Variants in AGO2 observed in about 807,000 individuals in gnomAD.
AGO2 encodes the protein argonaute RISC catalytic component 2, also known as protein argonaute-2.
AGO2 carries 5 observed loss-of-function variants against 102.3 expected under a neutral mutation model. The observed-to-expected ratio is 0.05, with a 90% CI of 0.03 to 0.10. The LOEUF is 0.10. AGO2 is among the 10% of genes least tolerant of loss of function. The pLI is 1.00. For synonymous variants in AGO2, 449 were observed against 473.1 expected, an observed-to-expected ratio of 0.95 and a Z score of 0.66; for missense variants, 541 against 1,183.7, an observed-to-expected ratio of 0.46 and a Z score of 7.97.
chr8:140,522,713 A>C lies in AGO2; in HGVS notation c.*9331T>G. 2 of 45,186 alleles carry C rather than the reference A, an allele frequency of 4.4e-5. No homozygotes were observed. The highest frequency in any genetic ancestry group is 4.3e-5 in the Non-Finnish European group (1 of 23,352). 2.8% of individuals were successfully genotyped at this position (45,186 alleles called of 1,614,324 possible). Reference sequence around the variant, plus strand: ...GACAGAGACAGAGAGAGGGAGGGGGAGGGGGGAGAGGGGGAGAGAGAGAGA... The same window carrying C: ...GACAGAGACAGAGAGAGGGAGGGGGCGGGGGGAGAGGGGGAGAGAGAGAGA... On this transcript the variant is annotated 3_prime_UTR_variant, in exon 19 of 19. Coordinates refer to ENST00000220592, the MANE Select transcript of AGO2 (RefSeq NM_012154.5).
At chr8:140,533,898 C>T (rs1234606782) in intron 17 of AGO2, among the ~76,000 whole-genome samples, 1 of 152,178 alleles carries the variant, frequency 6.6e-6, no homozygotes, top group Non-Finnish European at 1.5e-5. Flanking sequence ...ACACCTCCTG[C>T]GGTTGGAGAT....
chr8:140,635,830 G>C (rs1588525298), upstream of AGO2, among the ~76,000 whole-genome samples: 2 of 145,150 alleles, frequency 1.4e-5, no homozygotes, highest in South Asian at 4.2e-4. Context: ...GCGGGGCCTG[G>C]GGCGGGGACC....
At chr8:140,580,011 C>CTCCTCCTCGCAGCCCACT (rs1209280045) in intron 2 of AGO2, among the ~76,000 whole-genome samples, 1 of 152,234 alleles carries the variant, frequency 6.6e-6, no homozygotes, top group African/African-American at 2.4e-5. Flanking sequence ...AGGAGCCCAC[C>CTCCTCCTCGCAGCCCACT]TCCTCCTCGC....
intron 1 of AGO2, among the ~76,000 whole-genome samples, chr8:140,588,841 C>A (rs1038057002): frequency 6.6e-6 from 1 of 152,184 alleles, no homozygotes; most frequent in Non-Finnish European, 1.5e-5. Flanking sequence ...GTTCGGAGGG[C>A]AAGGCCCGGA....
At chr8:140,630,029 C>T (rs2074323331) in intron 1 of AGO2, among the ~76,000 whole-genome samples, 1 of 152,068 alleles carries the variant, frequency 6.6e-6, no homozygotes, top group African/African-American at 2.4e-5. Context: ...CCTCCCACAC[C>T]CTGCTTCTCC....
At chr8:140,548,667 G>A (rs760216824) in intron 12 of AGO2, among the ~76,000 whole-genome samples, 8 of 152,202 alleles carry the variant, frequency 5.3e-5, no homozygotes, top group Admixed American at 2.0e-4. Context: ...GTGGCTCAGC[G>A]TGGGGCCCTG....
At chr8:140,548,198 C>A (rs2072935403) in intron 12 of AGO2, among the ~76,000 whole-genome samples, 1 of 151,834 alleles carries the variant, frequency 6.6e-6, no homozygotes, top group Non-Finnish European at 1.5e-5. Flanking sequence ...TGCCTGTAAT[C>A]CCAGCTACTC....
intron 1 of AGO2, among the ~76,000 whole-genome samples, chr8:140,610,882 G>A (rs1379308980): frequency 3.3e-5 from 5 of 152,242 alleles, no homozygotes; most frequent in African/African-American, 4.8e-5. Flanking sequence ...TGAGATTTTA[G>A]ATTCCAAATC....
At chr8:140,610,867 G>A (rs537962704) in intron 1 of AGO2, among the ~76,000 whole-genome samples, 142 of 152,348 alleles carry the variant, frequency 9.3e-4, no homozygotes, top group African/African-American at 3.3e-3. Context: ...GCCACTCCAT[G>A]CAGATGAGAT....
intron 11 of AGO2, among the ~76,000 whole-genome samples, chr8:140,549,548 G>A (rs1461583093): frequency 6.6e-6 from 1 of 152,350 alleles, no homozygotes; most frequent in South Asian, 2.1e-4. Flanking sequence ...AGTCACATGC[G>A]GCTAACTTGC....
At position 140,547,584 on chromosome 8, in the gene AGO2, C is replaced by A. The variant is rs565225642; in HGVS notation, c.1632G>T (p.Thr544=). The change falls in exon 13 of 19, where the codon ACG becomes ACT. Residue 544 remains threonine, a synonymous_variant. Transcript: ENST00000220592. The part of the protein sequence containing the change: ...RVGDTVLGMA[T]QCVQMKNVQR... ...GCACGTTCTTCATCTGCACGCACTG[C>A]GTGGCCATCCCCAGCACCGTGTCTC... 3 of 1,613,918 alleles carry A rather than the reference C, an allele frequency of 1.9e-6. No homozygotes were observed. Among genetic ancestry groups the A allele is most frequent in the Non-Finnish European group, 2.5e-6 (3 of 1,179,960 alleles).
chr8:140,620,313 C>T (rs754258408), intron 1 of AGO2, among the ~76,000 whole-genome samples: 8 of 152,136 alleles, frequency 5.3e-5, no homozygotes, highest in Middle Eastern at 3.2e-3. Flanking sequence ...ACCTGCCCTA[C>T]GATCAGACGA....
At chr8:140,636,018 C>T (rs1217955204), upstream of AGO2, among the ~76,000 whole-genome samples, 2 of 150,426 alleles carry the variant, frequency 1.3e-5, no homozygotes, top group East Asian at 2.0e-4. Flanking sequence ...CCCGGCTGTG[C>T]CGCCGGAGCC....
At chr8:140,578,585 A>G (rs2073502900) in intron 2 of AGO2, among the ~76,000 whole-genome samples, 1 of 152,234 alleles carries the variant, frequency 6.6e-6, no homozygotes, top group South Asian at 2.1e-4. Flanking sequence ...CTGGCCACCC[A>G]GGTCTCAGGC....
chr8:140,570,486 T>A (rs1387708252), intron 3 of AGO2, among the ~76,000 whole-genome samples: 2 of 152,126 alleles, frequency 1.3e-5, no homozygotes, highest in African/African-American at 4.8e-5. Flanking sequence ...TGCCTCGGCC[T>A]CCCAAATTGC....
At chr8:140,585,624 C>T (rs1169584645) in intron 1 of AGO2, among the ~76,000 whole-genome samples, 2 of 152,186 alleles carry the variant, frequency 1.3e-5, no homozygotes, top group East Asian at 3.9e-4. Context: ...AGTGTCAAGG[C>T]GGTGCCCCTC....
chr8:140,585,412 T>C, intron 1 of AGO2, 101 bp from the exon 2 acceptor site: 1 of 1,362,114 alleles, frequency 7.3e-7, no homozygotes, highest in Non-Finnish European at 1.0e-6. Context: ...CCTCTGCTGT[T>C]TCCATTCACG....
chr8:140,537,850 ACT>A (rs2072724087), intron 16 of AGO2, among the ~76,000 whole-genome samples: 1 of 151,734 alleles, frequency 6.6e-6, no homozygotes, highest in African/African-American at 2.4e-5. Context: ...AGATAGTCTC[ACT>A]CTGCCCCCCA....
chr8:140,628,393 GTGTGCGTGTGTGTGTGTTACATACC>G (rs2074301639), intron 1 of AGO2, among the ~76,000 whole-genome samples: 7 of 151,108 alleles, frequency 4.6e-5, no homozygotes, highest in Admixed American at 3.3e-4. Flanking sequence ...GCACGTGTGT[GTGTGCGTGTGTGTGTGTTACATACC>G]TGTGTGCGTG....
Sources: gnomAD v4.1 joint callset for allele counts (sites outside exome capture counted in the v4.1 genomes callset) on GRCh38, gnomAD v4.1.1 for gene constraint, MANE v1.5 for transcripts, NCBI Gene and HGNC (gene_info 2026-07-23, HGNC 2026-07-21) for gene names.